The following MAN1C1 variants were observed in gnomAD, a reference collection of about 807,000 sequenced individuals.
MAN1C1 encodes the protein mannosyl-oligosaccharide 1,2-alpha-mannosidase IC.
MAN1C1 carries 49 observed loss-of-function variants against 71.5 expected under a neutral mutation model. The observed-to-expected ratio is 0.69, with a 90% CI of 0.54 to 0.87. MAN1C1 has a LOEUF of 0.87. Ranked by LOEUF, MAN1C1 falls within the 40% of genes least tolerant of loss-of-function variation. MAN1C1 has a pLI of 0.00. For synonymous variants in MAN1C1, 352 were observed against 343.7 expected, an observed-to-expected ratio of 1.02 and a Z score of -0.27; for missense variants, 743 against 835.0, an observed-to-expected ratio of 0.89 and a Z score of 1.36.
intron 1 of MAN1C1, among the ~76,000 whole-genome samples, chr1:25,655,134 C>T (rs1367368862): frequency 1.3e-5 from 2 of 152,210 alleles, no homozygotes; most frequent in Non-Finnish European, 2.9e-5. Context: ...GCTTCAGCCT[C>T]CTTCACCCCC....
At chr1:25,749,809 G>A (rs899698446) in intron 4 of MAN1C1, among the ~76,000 whole-genome samples, 1 of 152,166 alleles carries the variant, frequency 6.6e-6, no homozygotes, top group African/African-American at 2.4e-5. Context: ...ATAAAGCCAA[G>A]ACCAAGACCC....
rs1180429967 is a variant in MAN1C1 at position 25,617,770 on chromosome 1, G to A, written c.-28G>A. The A allele has an allele frequency of 6.4e-7, 1 of 1,556,382 alleles. No homozygotes were observed. The highest frequency in any genetic ancestry group is 2.5e-5 in the East Asian group (1 of 39,670). On this transcript the variant is annotated 5_prime_UTR_variant, in exon 1 of 12. Transcript: ENST00000374332. This position sits in a 1 kb window ranked among gnomAD's most constrained non-coding sequence, Gnocchi z 5.1. ...CGCAGACACGTGCCTGGACTCCGAG[G>A]GCTTCTGGAGCCACCGGCCGGGCCA...
At chr1:25,704,082 G>A (rs574238436) in intron 2 of MAN1C1, among the ~76,000 whole-genome samples, 10 of 152,122 alleles carry the variant, frequency 6.6e-5, no homozygotes, top group East Asian at 3.9e-4. Context: ...GTCTCTCCTC[G>A]TCTCCCTGAT....
chr1:25,624,207 C>T lies in MAN1C1; in HGVS notation c.540+5870C>T, dbSNP rs540595036. On this transcript the variant is annotated intron_variant, in intron 1 of 11. Transcript: ENST00000374332. ...AGGACTCAAGGAACTTAGGCCCCTC[C>T]GTCTTCCTCCTCACTCCCCCTTCAC... Among the ~76,000 whole-genome samples the T allele has an allele frequency of 3.3e-5, 5 of 152,318 alleles. No individual in the cohort carries two copies. The East Asian group carries it at 7.7e-4, about 23-fold the overall frequency.
At chr1:25,685,397 C>T (rs1424184915) in intron 1 of MAN1C1, among the ~76,000 whole-genome samples, 1 of 152,248 alleles carries the variant, frequency 6.6e-6, no homozygotes, top group Admixed American at 6.5e-5. Context: ...GGCTCCTCCT[C>T]TGCTCCACGG....
At chr1:25,660,614 T>C (rs2045833232) in intron 1 of MAN1C1, among the ~76,000 whole-genome samples, 1 of 150,944 alleles carries the variant, frequency 6.6e-6, no homozygotes, top group African/African-American at 2.4e-5. Flanking sequence ...AGGATGGTCT[T>C]GATCTCCTGA....
intron 1 of MAN1C1, among the ~76,000 whole-genome samples, chr1:25,669,880 GAAT>G (rs2045971774): frequency 6.6e-6 from 1 of 152,216 alleles, no homozygotes; most frequent in Non-Finnish European, 1.5e-5. Flanking sequence ...TACTACCCAT[GAAT>G]GTTGGTAGTT....
rs1487024599 is a variant in MAN1C1, at chr1:25,753,536, A to T, written c.887A>T (p.Asn296Ile). The stretch of plus-strand genomic sequence containing the variant: ...GGAGAGAAGCTCCTGCCGGCGTTCA[A>T]CACCCCCACGGGAATCCCAAAGGGC... ...RLGEKLLPAF[N>I]TPTGIPKGVV... The change falls in exon 5 of 12, where the codon AAC becomes ATC. Residue 296 changes from asparagine to isoleucine, a missense_variant. Physicochemically the swap from Asn to Ile is moderately radical, Grantham distance 149. Coordinates refer to ENST00000374332, the MANE Select transcript of MAN1C1 (RefSeq NM_020379.4). The surrounding 1 kb of genome is among the most constrained non-coding windows in gnomAD (Gnocchi z 4.9). The T allele has an allele frequency of 6.2e-7, 1 of 1,613,890 alleles. No homozygotes were observed. Among genetic ancestry groups the T allele is most frequent in the Non-Finnish European group, 8.5e-7 (1 of 1,179,924 alleles).
At chr1:25,668,113 T>C (rs1046608440) in intron 1 of MAN1C1, among the ~76,000 whole-genome samples, 5 of 152,218 alleles carry the variant, frequency 3.3e-5, no homozygotes, top group Non-Finnish European at 5.9e-5. Context: ...GAATCTCTTC[T>C]CATGGGGGCT....
intron 1 of MAN1C1, chr1:25,644,515 TA>T (rs1389185113): frequency 3.3e-4 from 34 of 103,820 alleles, no homozygotes; most frequent in African/African-American, 9.8e-4. Flanking sequence ...TATATATATA[TA>T]TATTTTTTTT....
Position 25,764,067 on chromosome 1 carries a change from T to C in MAN1C1, c.1141+100T>C. 1 of 970,432 alleles carries C rather than the reference T, an allele frequency of 1.0e-6. No homozygotes were observed. The highest frequency in any genetic ancestry group is 1.6e-6 in the Non-Finnish European group (1 of 617,482). The allele number at this position is 970,432 out of a possible 1,614,324, so 60.1% of individuals were successfully genotyped here. A position where few individuals can be genotyped will look rare whatever the true frequency, so the allele number is the denominator to read the frequency against. On this transcript the variant is annotated intron_variant, in intron 7 of 11. Coordinates refer to ENST00000374332, the MANE Select transcript of MAN1C1 (RefSeq NM_020379.4). This position sits in a 1 kb window ranked among gnomAD's most constrained non-coding sequence, Gnocchi z 4.4. ...CCTGGGCTGAGTGAGGATGTGTCTG[T>C]CAGAGCCATGCAGCCAGCAAGGCAT...
chr1:25,738,111 A>G (rs1197365630), intron 2 of MAN1C1, among the ~76,000 whole-genome samples: 2 of 152,120 alleles, frequency 1.3e-5, no homozygotes, highest in Admixed American at 6.6e-5. Context: ...AGAGCATTCT[A>G]TTGGGTTCCA....
intron 5 of MAN1C1, among the ~76,000 whole-genome samples, chr1:25,756,475 C>T (rs76421002): frequency 6.6e-6 from 1 of 152,092 alleles, no homozygotes; most frequent in Non-Finnish European, 1.5e-5. Context: ...AAAAGGAGAA[C>T]AAAAGACTGT....
At chr1:25,714,746 A>T (rs1049909152) in intron 2 of MAN1C1, among the ~76,000 whole-genome samples, 2 of 152,166 alleles carry the variant, frequency 1.3e-5, no homozygotes, top group Non-Finnish European at 2.9e-5. Flanking sequence ...GAATCAATGA[A>T]GCTTTGTTCG....
chr1:25,671,565 T>C (rs751883507), intron 1 of MAN1C1, among the ~76,000 whole-genome samples: 15 of 152,212 alleles, frequency 9.9e-5, no homozygotes, highest in Admixed American at 6.5e-4. Flanking sequence ...GAATTCAGAA[T>C]GCTGTTGCCT....
intron 7 of MAN1C1, among the ~76,000 whole-genome samples, chr1:25,770,073 C>T (rs978466700): frequency 2.0e-5 from 3 of 152,144 alleles, no homozygotes; most frequent in African/African-American, 7.2e-5. Flanking sequence ...CCCATGACTT[C>T]CAGCCTCCCC....
intron 2 of MAN1C1, among the ~76,000 whole-genome samples, chr1:25,710,721 G>A (rs951765766): frequency 5.9e-5 from 9 of 152,156 alleles, no homozygotes; most frequent in East Asian, 5.8e-4. Flanking sequence ...TTCCCTTGTC[G>A]TGGCTGCTCA....
At chr1:25,781,417 C>G (rs886289556) in intron 10 of MAN1C1, among the ~76,000 whole-genome samples, 1 of 146,074 alleles carries the variant, frequency 6.8e-6, no homozygotes, top group African/African-American at 2.4e-5. Flanking sequence ...GCCTAGAGCA[C>G]CACGCAGGCA....
At chr1:25,774,794 G>A (rs557521310) in intron 8 of MAN1C1, among the ~76,000 whole-genome samples, 90 of 151,188 alleles carry the variant, frequency 6.0e-4, no homozygotes, top group African/African-American at 2.1e-3. Flanking sequence ...GCTCCACAAG[G>A]AACAGCACAA....
Sources: gnomAD v4.1 joint callset for allele counts (sites outside exome capture counted in the v4.1 genomes callset) on GRCh38, gnomAD v4.1.1 for gene constraint, Gnocchi (gnomAD v3.1) non-coding constraint, MANE v1.5 for transcripts, NCBI Gene and HGNC (gene_info 2026-07-23, HGNC 2026-07-21) for gene names.